ASIC2: variants seen among roughly 807,000 people sequenced by gnomAD.
ASIC2 encodes the protein acid sensing ion channel subunit 2.
Under a neutral mutation model 57.3 loss-of-function variants are expected in ASIC2, and 25 were observed. That is an observed-to-expected ratio of 0.44 (90% CI 0.32 to 0.61). The LOEUF (loss-of-function observed/expected upper bound fraction) is 0.61. Ranked by LOEUF, ASIC2 falls within the 20% of genes least tolerant of loss-of-function variation. The pLI is 0.06. For synonymous variants in ASIC2, 319 were observed against 307.5 expected, an observed-to-expected ratio of 1.04 and a Z score of -0.39; for missense variants, 641 against 738.1, an observed-to-expected ratio of 0.87 and a Z score of 1.52.
intron 1 of ASIC2, among the ~76,000 whole-genome samples, chr17:33,978,514 A>G (rs1905478130): frequency 6.6e-6 from 1 of 152,210 alleles, no homozygotes; most frequent in African/African-American, 2.4e-5. Context: ...TTACTTTCCT[A>G]TACAGAGTCT....
At chr17:33,398,284 C>T (rs1233234933) in intron 1 of ASIC2, among the ~76,000 whole-genome samples, 2 of 152,124 alleles carry the variant, frequency 1.3e-5, no homozygotes, top group African/African-American at 4.8e-5. Flanking sequence ...CGGAATATAG[C>T]AGGTGCCCAC....
intron 1 of ASIC2, chr17:33,935,891 C>CAATT (rs1916048128): frequency 6.6e-6 from 1 of 152,182 alleles, no homozygotes; most frequent in Non-Finnish European, 1.5e-5. Flanking sequence ...CTTTCAGTAT[C>CAATT]AACTCAAAGT....
intron 1 of ASIC2, among the ~76,000 whole-genome samples, chr17:34,128,319 A>T (rs765528899): frequency 2.6e-5 from 4 of 151,822 alleles, no homozygotes; most frequent in South Asian, 4.2e-4. Context: ...ATTCCCAGGG[A>T]CCCCAGGTGC....
At chr17:34,040,387 G>C (rs1908080721) in intron 1 of ASIC2, among the ~76,000 whole-genome samples, 1 of 115,602 alleles carries the variant, frequency 8.7e-6, no homozygotes, top group Admixed American at 8.1e-5. Context: ...AGATTTGCAC[G>C]GCTGGGAGGC....
intron 1 of ASIC2, among the ~76,000 whole-genome samples, chr17:33,377,131 ACCT>A (rs1909308253): frequency 6.6e-6 from 1 of 151,804 alleles, no homozygotes; most frequent in African/African-American, 2.4e-5. Context: ...GCTCACTGCA[ACCT>A]CCTCCTCCTG....
chr17:33,944,348 G>A (rs1475076545), intron 1 of ASIC2, among the ~76,000 whole-genome samples: 2 of 152,212 alleles, frequency 1.3e-5, no homozygotes, highest in South Asian at 2.1e-4. Flanking sequence ...GAGAAACAGC[G>A]CCAGTTTAGC....
chr17:33,722,057 G>A (rs1909404639), intron 1 of ASIC2, among the ~76,000 whole-genome samples: 1 of 152,180 alleles, frequency 6.6e-6, no homozygotes, highest in South Asian at 2.1e-4. Flanking sequence ...ATATGGTTTG[G>A]CTCTGTGTCC....
In ASIC2 at chr17:33,230,816, AGGTTAATGCTGGGCTGG is replaced by A. The variant is rs1908061658; in HGVS notation, c.708+60575_708+60591del. 3.9e-5 allele frequency among the ~76,000 whole-genome samples: 6 copies of A among 152,270 alleles called. No individual in the cohort carries two copies. The South Asian group carries it at 1.2e-3, about 32-fold the overall frequency. ...CCAAGGAGGCAGGCCCATCTGCGCA[AGGTTAATGCTGGGCTGG>A]GGTTAATGGTGAGGTTCCCACTTCA... On this transcript the variant is annotated intron_variant, in intron 1 of 9. Coordinates refer to ENST00000225823, the MANE Select transcript of ASIC2 (RefSeq NM_183377.2).
chr17:33,542,508 AT>A (rs1446454690), intron 1 of ASIC2, among the ~76,000 whole-genome samples: 1 of 117,870 alleles, frequency 8.5e-6, no homozygotes, highest in Non-Finnish European at 1.8e-5. Flanking sequence ...GATGATGAGC[AT>A]TTTTTCATGT....
rs536022521 is a variant in ASIC2, at chr17:33,332,212, G to T, written c.556-220145C>A. On this transcript the variant is annotated intron_variant, in intron 1 of 9. Coordinates refer to the ASIC2 transcript ENST00000359872. ...CTTGGTGCCAGGGAGGCTAATACTA[G>T]AGCTACTTGCTACCAGCGCTGCCTT... Among the ~76,000 whole-genome samples the T allele has an allele frequency of 3.3e-4, 51 of 152,282 alleles. No individual in the cohort carries two copies. In the South Asian group the frequency reaches 4.6e-3, roughly 14 times the overall value.
intron 1 of ASIC2, among the ~76,000 whole-genome samples, chr17:33,481,050 C>A (rs574999901): frequency 6.6e-6 from 1 of 152,322 alleles, no homozygotes; most frequent in African/African-American, 2.4e-5. Context: ...CATCAGCCAC[C>A]AACCTTTCCT....
chr17:33,016,159 T>A, intron 8 of ASIC2, 120 bp from the exon 9 acceptor site: 1 of 855,108 alleles, frequency 1.2e-6, no homozygotes, highest in Non-Finnish European at 1.9e-6. Flanking sequence ...GAACATACCG[T>A]AGCACAAGCC....
intron 1 of ASIC2, among the ~76,000 whole-genome samples, chr17:33,384,906 G>A (rs1461230184): frequency 6.6e-6 from 1 of 152,156 alleles, no homozygotes; most frequent in African/African-American, 2.4e-5. Context: ...CCAGAAGGCA[G>A]GGCCATCTCT....
chr17:33,250,549 G>A (rs925019006), intron 1 of ASIC2, among the ~76,000 whole-genome samples: 29 of 152,208 alleles, frequency 1.9e-4, no homozygotes, highest in African/African-American at 6.3e-4. Flanking sequence ...TATCCCATGC[G>A]CCATGTTCTC....
chr17:33,595,796 A>G (rs866252091), intron 1 of ASIC2, among the ~76,000 whole-genome samples: 1 of 152,320 alleles, frequency 6.6e-6, no homozygotes, highest in South Asian at 2.1e-4. Context: ...TTGGGGTGGA[A>G]TGACCCACAA....
chr17:33,818,617 G>A (rs1456156859), intron 1 of ASIC2, among the ~76,000 whole-genome samples: 1 of 152,274 alleles, frequency 6.6e-6, no homozygotes, highest in East Asian at 1.9e-4. Flanking sequence ...AGTGACACAG[G>A]CATCTAATGG....
At chr17:33,539,617 A>G (rs1237267045) in intron 1 of ASIC2, among the ~76,000 whole-genome samples, 1 of 152,274 alleles carries the variant, frequency 6.6e-6, no homozygotes, top group Non-Finnish European at 1.5e-5. Flanking sequence ...ACCAATAATT[A>G]AAACCCAGCC....
intron 1 of ASIC2, among the ~76,000 whole-genome samples, chr17:33,821,456 A>G (rs1232741972): frequency 6.6e-6 from 1 of 152,116 alleles, no homozygotes; most frequent in East Asian, 1.9e-4. Flanking sequence ...TTTTGATCTC[A>G]GACTTTCTGG....
intron 1 of ASIC2, among the ~76,000 whole-genome samples, chr17:33,576,354 G>A (rs1916620633): frequency 6.6e-6 from 1 of 152,158 alleles, no homozygotes; most frequent in Non-Finnish European, 1.5e-5. Context: ...CCAAGCCTAG[G>A]CTTGTTGTAA....
Sources: gnomAD v4.1 joint callset for allele counts (sites outside exome capture counted in the v4.1 genomes callset) on GRCh38, gnomAD v4.1.1 for gene constraint, MANE v1.5 for transcripts, NCBI Gene and HGNC (gene_info 2026-07-23, HGNC 2026-07-21) for gene names.